The following RIOK3 variants were observed in gnomAD, a reference collection of about 807,000 sequenced individuals.
RIOK3 encodes the protein serine/threonine-protein kinase RIO3.
RIOK3 carries 40 observed loss-of-function variants against 63.5 expected under a neutral mutation model. The observed-to-expected ratio is 0.63, with a 90% confidence interval of 0.49 to 0.82. The LOEUF is 0.82. Ranked by LOEUF, RIOK3 falls within the 40% of genes least tolerant of loss-of-function variation. The probability of loss-of-function intolerance (pLI) is 0.00; values close to 1 mark genes in which losing one functional copy is unlikely to be tolerated. For missense variants in RIOK3, 557 were observed against 637.0 expected (o/e 0.87, Z 1.35); for synonymous variants, 193 against 205.0 (o/e 0.94, Z 0.50).
chr18:23,463,291 C>T (rs2057383514), intron 2 of RIOK3: 4 of 402,924 alleles, frequency 9.9e-6, no homozygotes, highest in East Asian at 4.2e-5. Context: ...TTAGTTATAT[C>T]GCGTTAATGC....
Position 23,473,410 on chromosome 18 carries a change from T to C in RIOK3, c.816-19T>C, listed in dbSNP as rs774951181. The C allele has an allele frequency of 1.3e-6, 2 of 1,546,944 alleles. No individual in the cohort carries two copies. Among genetic ancestry groups the C allele is most frequent in the South Asian group, 2.3e-5 (2 of 85,370 alleles). On this transcript the variant is annotated intron_variant, in intron 7 of 12. Coordinates refer to ENST00000339486, the MANE Select transcript of RIOK3 (RefSeq NM_003831.5). ...GAGCTGGCAACTTGTACTGACTTGA[T>C]TTTTTTTCTTCCACTTAGCATGGAG...
intron 1 of RIOK3, among the ~76,000 whole-genome samples, chr18:23,454,053 G>C (rs576013205): frequency 6.6e-6 from 1 of 152,316 alleles, no homozygotes; most frequent in East Asian, 1.9e-4. Context: ...TTCATTATCT[G>C]CCTAAGCTTT....
chr18:23,461,984 G>A (rs2057374404), intron 1 of RIOK3, among the ~76,000 whole-genome samples: 1 of 150,922 alleles, frequency 6.6e-6, no homozygotes, highest in South Asian at 2.1e-4. Flanking sequence ...CAGCTACTCA[G>A]AAGGCTGAGG....
chr18:23,460,841 C>T (rs1471276390), intron 1 of RIOK3, among the ~76,000 whole-genome samples: 1 of 152,190 alleles, frequency 6.6e-6, no homozygotes, highest in African/African-American at 2.4e-5. Flanking sequence ...CCTTAAAATC[C>T]TTACCAGGAG....
intron 7 of RIOK3, among the ~76,000 whole-genome samples, chr18:23,468,567 T>A (rs1471497681): frequency 6.6e-6 from 1 of 152,128 alleles, no homozygotes; most frequent in Non-Finnish European, 1.5e-5. Context: ...CCTCCCAAAG[T>A]GCCAAGATTA....
Position 23,482,779 on chromosome 18 carries a change from T to C in RIOK3, c.*1500T>C, listed in dbSNP as rs1275411616. ...AGTAAAAATCTAGACATCATTTACA[T>C]TTGAGAAAGCTGTTTTTAACATTAT... On this transcript the variant is annotated 3_prime_UTR_variant, in exon 13 of 13. Coordinates refer to ENST00000339486, the MANE Select transcript of RIOK3 (RefSeq NM_003831.5). 1 of 152,192 alleles carries C rather than the reference T, an allele frequency of 6.6e-6. No individual in the cohort carries two copies. The highest frequency in any genetic ancestry group is 1.5e-5 in the Non-Finnish European group (1 of 68,030). The allele number at this position is 152,192 out of a possible 1,614,324, so 9.4% of individuals were successfully genotyped here.
At chr18:23,480,946 G>A (rs535144056) in intron 12 of RIOK3, among the ~76,000 whole-genome samples, 7 of 152,230 alleles carry the variant, frequency 4.6e-5, no homozygotes, top group Non-Finnish European at 8.8e-5. Context: ...ATTAGCTGGC[G>A]TGGTGGCACA....
chr18:23,464,415 T>C, intron 4 of RIOK3, 102 bp downstream of exon 4: 1 of 1,161,186 alleles, frequency 8.6e-7, no homozygotes, highest in Non-Finnish European at 1.2e-6. Context: ...TGAATCTCAT[T>C]TGGTAATTTA....
intron 8 of RIOK3, 107 bp from the exon 9 acceptor site, chr18:23,474,841 G>C: frequency 2.5e-6 from 2 of 799,776 alleles, no homozygotes; most frequent in South Asian, 3.5e-5. Context: ...CACCAGGGTA[G>C]AACATAGTGC....
rs376327605 is a variant in RIOK3 at position 23,471,077 on chromosome 18, C to T, written c.816-2352C>T. Among the ~76,000 whole-genome samples, 8 of 152,308 alleles carry T rather than the reference C, an allele frequency of 5.3e-5. No homozygotes were observed. The East Asian group carries it at 9.6e-4, about 18-fold the overall frequency. On this transcript the variant is annotated intron_variant, in intron 7 of 12. Coordinates refer to ENST00000339486, the MANE Select transcript of RIOK3 (RefSeq NM_003831.5). The stretch of plus-strand genomic sequence containing the variant: ...ACTAGGGATACAGCAATGAATGGTA[C>T]AAGGAAGGTCTCTGGTCTAATGGAA...
At chr18:23,473,221 T>A (rs2057467573) in intron 7 of RIOK3, among the ~76,000 whole-genome samples, 1 of 152,196 alleles carries the variant, frequency 6.6e-6, no homozygotes, top group African/African-American at 2.4e-5. Context: ...GAAAATCGGT[T>A]GACAATTTAT....
In RIOK3 at chr18:23,473,603, A is replaced by G. The variant is rs773796627; in HGVS notation, c.990A>G (p.Glu330=). The stretch of plus-strand genomic sequence containing the variant: ...GTAAGATCATCCGCATGTGGGCAGA[A>G]AAAGAAATGCACAATCTCGCAAGGT... ...NPRKIIRMWA[E]KEMHNLARMQ... is the part of the protein sequence containing the mutation. The change falls in exon 8 of 13, where the codon GAA becomes GAG. Residue 330 remains glutamate, a synonymous_variant. Transcript: ENST00000339486. 1.1e-5 allele frequency: 17 copies of G among 1,613,246 alleles called. No homozygotes were observed. Among genetic ancestry groups the G allele is most frequent in the Admixed American group, 1.7e-5 (1 of 59,940 alleles).
intron 5 of RIOK3, among the ~76,000 whole-genome samples, chr18:23,464,997 A>G (rs778636874): frequency 6.6e-6 from 1 of 152,222 alleles, no homozygotes; most frequent in African/African-American, 2.4e-5. Context: ...TTTTCACCAT[A>G]TACTCTTTTG....
chr18:23,472,559 G>A (rs2057462978), intron 7 of RIOK3, among the ~76,000 whole-genome samples: 1 of 152,112 alleles, frequency 6.6e-6, no homozygotes, highest in Admixed American at 6.6e-5. Context: ...TCACTATTGG[G>A]GGACTATTGC....
chr18:23,478,606 C>CATATATATATATAT (rs67305895), intron 11 of RIOK3, among the ~76,000 whole-genome samples: 2 of 130,894 alleles, frequency 1.5e-5, no homozygotes, highest in African/African-American at 3.2e-5. Flanking sequence ...AAAAACAAAA[C>CATATATATATATAT]ATATATATAT....
rs2057515974 is a variant in RIOK3 at position 23,479,359 on chromosome 18, GAAC to G, written c.1388_1390del (p.Glu463_Leu464delinsVal). 6.2e-7 allele frequency: 1 copy of G among 1,613,734 alleles called. No individual in the cohort carries two copies. Among genetic ancestry groups the G allele is most frequent in the Admixed American group, 1.7e-5 (1 of 60,000 alleles). On this transcript the variant is annotated inframe_deletion, in exon 12 of 13. Coordinates refer to ENST00000339486, the MANE Select transcript of RIOK3 (RefSeq NM_003831.5). ...AGTCAAGGAAGCCCTTAGTGAACGAGAACTCTTCAATGCTGTTTCAGGCTTAAA... is the reference window on the plus strand; with the variant it reads ...AGTCAAGGAAGCCCTTAGTGAACGAGTCTTCAATGCTGTTTCAGGCTTAAA...
rs2057538931 is a variant in RIOK3 at position 23,482,103 on chromosome 18, T to C, written c.*824T>C. 6.6e-6 allele frequency: 1 copy of C among 152,248 alleles called. No individual in the cohort carries two copies. Among genetic ancestry groups the C allele is most frequent in the Admixed American group, 6.5e-5 (1 of 15,284 alleles). 9.4% of individuals were successfully genotyped at this position (152,248 alleles called of 1,614,324 possible). A position where few individuals can be genotyped will look rare whatever the true frequency, so the allele number is the denominator to read the frequency against. On this transcript the variant is annotated 3_prime_UTR_variant, in exon 13 of 13. Transcript: ENST00000339486. ...TAACCATGTTTGACGTATTTTAATT[T>C]AGTTAATGAAGCAAAATTCAGTTTA...
Position 23,477,191 on chromosome 18 carries a change from G to C in RIOK3, c.1267G>C (p.Asp423His), listed in dbSNP as rs752261947. The change falls in exon 11 of 13, where the codon GAT becomes CAT. Residue 423 changes from aspartate (D) to histidine (H), a missense_variant. Physicochemically the swap from Asp to His is moderately conservative, Grantham distance 81. This residue lies in a region of RIOK3 where 309 missense variants were observed against 338.7 expected (regional missense o/e 0.91). Coordinates refer to ENST00000339486, the MANE Select transcript of RIOK3 (RefSeq NM_003831.5). Reference protein sequence around the residue: ...LWHAGKVWLIDVSQSVEPTHP... With the variant: ...LWHAGKVWLIHVSQSVEPTHP... The stretch of plus-strand genomic sequence containing the variant: ...TGTATTGAAATAGGTCTGGTTGATC[G>C]ATGTCAGTCAGTCAGTAGAACCTAC... The C allele has an allele frequency of 1.9e-6, 3 of 1,613,912 alleles. No homozygotes were observed. The highest frequency in any genetic ancestry group is 2.5e-6 in the Non-Finnish European group (3 of 1,179,916).
At chr18:23,478,606 CATATAT>C (rs67305895) in intron 11 of RIOK3, among the ~76,000 whole-genome samples, 155 of 130,812 alleles carry the variant, frequency 1.2e-3, no homozygotes, top group African/African-American at 3.6e-3. Context: ...AAAAACAAAA[CATATAT>C]ATATATATAT....
Sources: allele counts gnomAD v4.1 joint callset (sites outside exome capture counted in the v4.1 genomes callset), GRCh38; gene constraint gnomAD v4.1.1; regional missense constraint gnomAD v4.1.1; transcripts MANE v1.5; gene names NCBI Gene and HGNC (gene_info 2026-07-23, HGNC 2026-07-21).